Variants in TMPRSS13 observed in about 807,000 individuals in gnomAD.
TMPRSS13 encodes the protein transmembrane protease serine 13.
Under a neutral mutation model 68.4 loss-of-function variants are expected in TMPRSS13, and 50 were observed. That is an observed-to-expected ratio of 0.73 (90% CI 0.58 to 0.93). The LOEUF is 0.93. TMPRSS13 is among the 40% of genes least tolerant of loss of function. The pLI, the probability that TMPRSS13 is intolerant of heterozygous loss-of-function variation, is 0.00. For synonymous variants in TMPRSS13, 267 were observed against 285.8 expected (o/e 0.93, Z 0.66); for missense variants, 615 against 729.2 (o/e 0.84, Z 1.80).
At chr11:117,903,536 C>G (rs763464143) in intron 12 of TMPRSS13, 119 bp downstream of exon 12, 2 of 1,565,232 alleles carry the variant, frequency 1.3e-6, no homozygotes, top group African/African-American at 1.3e-5. Flanking sequence ...GTCCAGAACA[C>G]CCCCCGAATA....
Position 117,905,695 on chromosome 11 carries a change from A to C in TMPRSS13, c.1324T>G (p.Phe442Val). The change falls in exon 10 of 13, where the codon TTT (phenylalanine) becomes GTT (valine). Residue 442 changes from phenylalanine to valine, a missense_variant. Phe to Val is a conservative substitution (Grantham distance 50, BLOSUM62 -1). Transcript: ENST00000524993. ...ATCCAGCAGGTCTCATTGAGGCTAAAGGTCTGTCCATGCATGGGGAGGCAA... is the reference window on the plus strand; with the variant it reads ...ATCCAGCAGGTCTCATTGAGGCTAACGGTCTGTCCATGCATGGGGAGGCAA... Reference protein sequence around the residue: ...PACLPMHGQTFSLNETCWITG... With the variant: ...PACLPMHGQTVSLNETCWITG... 5 of 1,606,190 alleles carry C rather than the reference A, an allele frequency of 3.1e-6. No homozygotes were observed. The highest frequency in any genetic ancestry group is 4.3e-6 in the Non-Finnish European group (5 of 1,175,486).
At chr11:117,925,877 C>T (rs1440988241) in intron 1 of TMPRSS13, among the ~76,000 whole-genome samples, 1 of 152,284 alleles carries the variant, frequency 6.6e-6, no homozygotes, top group African/African-American at 2.4e-5. Flanking sequence ...CGCACGCTTA[C>T]GCTCACATCT....
intron 1 of TMPRSS13, among the ~76,000 whole-genome samples, chr11:117,921,690 A>G (rs1384951999): frequency 6.6e-6 from 1 of 152,212 alleles, no homozygotes; most frequent in Non-Finnish European, 1.5e-5. Flanking sequence ...GAGTCTCTGC[A>G]GGCCCTGGGT....
intron 10 of TMPRSS13, among the ~76,000 whole-genome samples, chr11:117,904,302 C>T (rs528150516): frequency 1.3e-5 from 2 of 152,340 alleles, no homozygotes; most frequent in East Asian, 1.9e-4. Context: ...CACGCCCTCA[C>T]ACAAGACACA....
chr11:117,919,689 T>C (rs1162925652), intron 1 of TMPRSS13, among the ~76,000 whole-genome samples: 1 of 152,248 alleles, frequency 6.6e-6, no homozygotes, highest in Non-Finnish European at 1.5e-5. Flanking sequence ...TAATAAACGT[T>C]CACATCTGTG....
Position 117,902,072 on chromosome 11 carries a change from GCACACACACA to G in TMPRSS13, c.*157_*166del, listed in dbSNP as rs3839950. On this transcript the variant is annotated 3_prime_UTR_variant, in exon 13 of 13. Transcript: ENST00000524993. ...TGGGAGAGTGGCAATGCACACATAT[GCACACACACA>G]CACACACACACACACACACACAGAG... is the stretch of plus-strand genomic sequence containing the variant. 57 of 647,240 alleles carry G rather than the reference GCACACACACA, an allele frequency of 8.8e-5. No homozygotes were observed. Among genetic ancestry groups the G allele is most frequent in the Middle Eastern group, 4.2e-4 (1 of 2,374 alleles). 40.1% of individuals were successfully genotyped at this position (647,240 alleles called of 1,614,324 possible).
intron 1 of TMPRSS13, among the ~76,000 whole-genome samples, chr11:117,919,686 C>T (rs951981422): frequency 3.9e-5 from 6 of 152,266 alleles, no homozygotes; most frequent in Non-Finnish European, 8.8e-5. Flanking sequence ...TGATAATAAA[C>T]GTTCACATCT....
intron 8 of TMPRSS13, among the ~76,000 whole-genome samples, 193 bp from the exon 9 acceptor site, chr11:117,908,977 G>A (rs776139826): frequency 4.6e-5 from 7 of 152,136 alleles, no homozygotes; most frequent in Non-Finnish European, 1.0e-4. Flanking sequence ...CAAAAATTAT[G>A]AGCTTGCAGC....
chr11:117,913,205 C>T (rs886295925), intron 5 of TMPRSS13, among the ~76,000 whole-genome samples: 1 of 152,206 alleles, frequency 6.6e-6, no homozygotes, highest in Admixed American at 6.5e-5. Context: ...AAATCAGACA[C>T]TTCTTCAAGT....
chr11:117,910,505 T>C (rs1018468171), intron 7 of TMPRSS13: 11 of 540,432 alleles, frequency 2.0e-5, no homozygotes, highest in Admixed American at 6.4e-5. Context: ...GCTGAGCCCC[T>C]ACCAGAGTCA....
intron 9 of TMPRSS13, 161 bp downstream of exon 9, chr11:117,908,450 TA>T: frequency 1.3e-6 from 1 of 746,082 alleles, no homozygotes; most frequent in Non-Finnish European, 2.2e-6. Context: ...TCCCTAATTA[TA>T]AAACAGAAGT....
chr11:117,928,506 G>T (rs1007890174), intron 1 of TMPRSS13, among the ~76,000 whole-genome samples: 4 of 152,172 alleles, frequency 2.6e-5, no homozygotes, highest in African/African-American at 9.7e-5. Context: ...AAGGTACAGA[G>T]AATTTGGAGG....
intron 1 of TMPRSS13, 29 bp downstream of exon 1, chr11:117,929,258 T>A (rs1467486054): frequency 6.3e-7 from 1 of 1,593,404 alleles, no homozygotes; most frequent in South Asian, 1.1e-5. Flanking sequence ...GCTGGGAGAA[T>A]CTGGCCCGAG....
chr11:117,928,080 T>C (rs1302926446), intron 1 of TMPRSS13, among the ~76,000 whole-genome samples: 1 of 152,158 alleles, frequency 6.6e-6, no homozygotes, highest in Non-Finnish European at 1.5e-5. Context: ...GCTCAGCCCT[T>C]CTCACTCTTG....
In TMPRSS13 at chr11:117,922,725, AG is replaced by A. The variant is rs925593615; in HGVS notation, c.22-3888del. On this transcript the variant is annotated intron_variant, in intron 1 of 12. Transcript: ENST00000524993. This position sits in a 1 kb window ranked among gnomAD's most constrained non-coding sequence, Gnocchi z 4.2. ...TCAGCCTGCTCAGGGGCAGGTGCAC[AG>A]GGTGGAGCAGGGGAGTGTGGTCAAC... Among the ~76,000 whole-genome samples, 2 of 152,236 alleles carry A rather than the reference AG, an allele frequency of 1.3e-5. No individual in the cohort carries two copies. Among genetic ancestry groups the A allele is most frequent in the Non-Finnish European group, 2.9e-5 (2 of 68,038 alleles).
chr11:117,925,781 A>G (rs1487271520), intron 1 of TMPRSS13, among the ~76,000 whole-genome samples: 4 of 152,206 alleles, frequency 2.6e-5, no homozygotes, highest in Admixed American at 1.3e-4. Context: ...TTCTGCCAAA[A>G]CAAGACACTT....
At position 117,914,492 on chromosome 11, in the gene TMPRSS13, T is replaced by C. The variant is rs2057555501; in HGVS notation, c.579A>G (p.Thr193=). The C allele has an allele frequency of 6.2e-7, 1 of 1,613,848 alleles. No individual in the cohort carries two copies. The highest frequency in any genetic ancestry group is 1.1e-5 in the South Asian group (1 of 91,088). ...CCCTCTGCTCCTTGTACCTGATCCC[T>C]GTGTGGCCCTGCCAGAACTGGACTA... ...IILFQFWQGH[T]GIRYKEQRES... The change falls in exon 4 of 13, where the codon ACA becomes ACG. Residue 193 remains threonine, a synonymous_variant. Transcript: ENST00000524993. This position sits in a 1 kb window ranked among gnomAD's most constrained non-coding sequence, Gnocchi z 4.2.
In TMPRSS13 at chr11:117,908,773, T is replaced by C; in HGVS notation, c.1121A>G (p.Lys374Arg). The part of the protein sequence containing the change: ...AAHCFFVTRE[K>R]VLEGWKVYAG... Reference sequence around the variant, plus strand: ...GTACACCTTCCAGCCCTCCAGGACCTTCTCCCGGGTCCTGCAAGAGCCACA... The same window carrying C: ...GTACACCTTCCAGCCCTCCAGGACCCTCTCCCGGGTCCTGCAAGAGCCACA... The change falls in exon 9 of 13, where the codon AAG becomes AGG. Residue 374 changes from lysine (K) to arginine (R), a missense_variant. Coordinates refer to ENST00000524993, the MANE Select transcript of TMPRSS13 (RefSeq NM_001077263.3). 1 of 1,604,626 alleles carries C rather than the reference T, an allele frequency of 6.2e-7. No individual in the cohort carries two copies. Among genetic ancestry groups the C allele is most frequent in the South Asian group, 1.1e-5 (1 of 88,804 alleles).
chr11:117,924,473 G>C (rs936736665), intron 1 of TMPRSS13, among the ~76,000 whole-genome samples: 3 of 152,194 alleles, frequency 2.0e-5, no homozygotes, highest in African/African-American at 7.2e-5. Context: ...CCCATAGGGT[G>C]GGCACGGGCA....
Sources: gnomAD v4.1 joint callset for allele counts (sites outside exome capture counted in the v4.1 genomes callset) on GRCh38, gnomAD v4.1.1 for gene constraint, Gnocchi (gnomAD v3.1) non-coding constraint, MANE v1.5 for transcripts, NCBI Gene and HGNC (gene_info 2026-07-23, HGNC 2026-07-21) for gene names.